Variants in PCDH9 observed in about 807,000 individuals in gnomAD.
PCDH9 encodes protocadherin 9, also known as protocadherin-9.
PCDH9 carries 24 observed loss-of-function variants against 70.6 expected under a neutral mutation model. The observed-to-expected ratio is 0.34, with a 90% CI of 0.25 to 0.48. The LOEUF (loss-of-function observed/expected upper bound fraction) is 0.48, where lower values mean the gene tolerates loss of function less well. Among genes scored for constraint, PCDH9 ranks in the 20% least tolerant of loss-of-function variants. PCDH9 has a pLI of 0.99. For missense variants in PCDH9, 1,281 were observed against 1,503.6 expected, an observed-to-expected ratio of 0.85 and a Z score of 2.45; for synonymous variants, 562 against 558.5, an observed-to-expected ratio of 1.01 and a Z score of -0.09.
intron 4 of PCDH9, among the ~76,000 whole-genome samples, chr13:66,599,355 G>C (rs1426753005): frequency 6.6e-6 from 1 of 151,710 alleles, no homozygotes; most frequent in Admixed American, 6.6e-5. Context: ...TCCTGATTGA[G>C]AAATATTTAA....
In PCDH9 at chr13:67,089,044, T is replaced by A. The variant is rs181886864; in HGVS notation, c.3036+136361A>T. Among the ~76,000 whole-genome samples, 555 of 152,102 alleles carry A rather than the reference T, an allele frequency of 3.6e-3. 5 individuals are homozygous for A. The highest frequency in any genetic ancestry group is 0.013 in the African/African-American group (533 of 41,546). On this transcript the variant is annotated intron_variant, in intron 2 of 4. Transcript: ENST00000377865. ...TGTATATGCATTGCCTTCATCAAAATTTTTTCACCCAGTGAAGTTTTAAGG... is the reference window on the plus strand; with the variant it reads ...TGTATATGCATTGCCTTCATCAAAAATTTTTCACCCAGTGAAGTTTTAAGG...
At chr13:66,997,687 A>C (rs1175132493) in intron 2 of PCDH9, among the ~76,000 whole-genome samples, 1 of 152,008 alleles carries the variant, frequency 6.6e-6, no homozygotes, top group Non-Finnish European at 1.5e-5. Flanking sequence ...GGCGCACATC[A>C]CCATGCCTAG....
chr13:67,041,830 CAAA>C (rs61557179), intron 2 of PCDH9, among the ~76,000 whole-genome samples: 29 of 109,818 alleles, frequency 2.6e-4, no homozygotes, highest in Non-Finnish European at 2.3e-4. Context: ...GACTCTGTCT[CAAA>C]AAAAAAAAAA....
intron 3 of PCDH9, among the ~76,000 whole-genome samples, chr13:66,637,238 G>T (rs2077650368): frequency 6.6e-6 from 1 of 152,052 alleles, no homozygotes; most frequent in African/African-American, 2.4e-5. Flanking sequence ...TATGGTTATG[G>T]CCTAATTTGC....
intron 2 of PCDH9, chr13:67,213,443 G>GT (rs1193106934): frequency 2.0e-5 from 3 of 151,894 alleles, no homozygotes; most frequent in African/African-American, 7.3e-5. Flanking sequence ...TTTAAAATGT[G>GT]TTTAACATTT....
At chr13:67,026,591 G>T (rs535479449) in intron 2 of PCDH9, among the ~76,000 whole-genome samples, 16 of 152,150 alleles carry the variant, frequency 1.1e-4, no homozygotes, top group African/African-American at 3.9e-4. Context: ...AGGAAATAAA[G>T]GGTATTCAAT....
At chr13:67,041,885 T>C (rs1244797808) in intron 2 of PCDH9, among the ~76,000 whole-genome samples, 1 of 151,944 alleles carries the variant, frequency 6.6e-6, no homozygotes, top group Non-Finnish European at 1.5e-5. Context: ...TATTCCCTCA[T>C]GTTTTCAGCC....
intron 3 of PCDH9, among the ~76,000 whole-genome samples, chr13:66,789,884 A>G (rs1261224399): frequency 1.3e-5 from 2 of 152,158 alleles, no homozygotes; most frequent in Non-Finnish European, 2.9e-5. Flanking sequence ...TGAGCAGTGT[A>G]CAAACTGTTC....
intron 3 of PCDH9, among the ~76,000 whole-genome samples, chr13:66,708,417 T>C (rs1219126836): frequency 4.5e-4 from 68 of 151,362 alleles, no homozygotes; most frequent in African/African-American, 1.5e-3. Context: ...TTTTTTTTTT[T>C]TTTCTTTCTT....
At chr13:66,909,551 C>T (rs1330374827) in intron 2 of PCDH9, among the ~76,000 whole-genome samples, 4 of 152,092 alleles carry the variant, frequency 2.6e-5, no homozygotes, top group African/African-American at 4.8e-5. Context: ...AGGCGGATCA[C>T]GAGGTCAGGA....
At chr13:66,338,984 G>A (rs912825626) in intron 4 of PCDH9, among the ~76,000 whole-genome samples, 1 of 152,044 alleles carries the variant, frequency 6.6e-6, no homozygotes, top group African/African-American at 2.4e-5. Context: ...AATTGAAACA[G>A]TGGCAGATTC....
intron 3 of PCDH9, among the ~76,000 whole-genome samples, chr13:66,743,707 A>G (rs1031750065): frequency 2.0e-5 from 3 of 152,208 alleles, no homozygotes; most frequent in African/African-American, 7.2e-5. Context: ...TGATCTAGCT[A>G]TTCTGCAAAG....
chr13:66,689,768 T>G (rs535524420), intron 3 of PCDH9, among the ~76,000 whole-genome samples: 1 of 152,298 alleles, frequency 6.6e-6, no homozygotes, highest in South Asian at 2.1e-4. Context: ...GCTCATTCTT[T>G]ATAATCTGAT....
intron 2 of PCDH9, among the ~76,000 whole-genome samples, chr13:67,007,523 T>C (rs2084376031): frequency 6.6e-6 from 1 of 152,222 alleles, no homozygotes; most frequent in Admixed American, 6.5e-5. Context: ...AAAATTCTTC[T>C]GCATCAGTTA....
At chr13:66,648,694 C>T (rs1261946373) in intron 3 of PCDH9, among the ~76,000 whole-genome samples, 1 of 151,870 alleles carries the variant, frequency 6.6e-6, no homozygotes, top group Non-Finnish European at 1.5e-5. Flanking sequence ...GTATCAAGAC[C>T]ATCCAAGAAA....
chr13:66,690,507 A>C (rs1383093379), intron 3 of PCDH9, among the ~76,000 whole-genome samples: 1 of 152,172 alleles, frequency 6.6e-6, no homozygotes, highest in African/African-American at 2.4e-5. Context: ...AGAAGCTTAC[A>C]GTGAAGGTGT....
intron 2 of PCDH9, among the ~76,000 whole-genome samples, chr13:67,025,575 C>T (rs1424188625): frequency 2.0e-5 from 3 of 152,040 alleles, no homozygotes; most frequent in Admixed American, 1.3e-4. Context: ...TAATGATTTA[C>T]ACAACTTGCA....
chr13:67,161,996 C>T lies in PCDH9; in HGVS notation c.3036+63409G>A, dbSNP rs1302757195. On this transcript the variant is annotated intron_variant, in intron 2 of 4. Coordinates refer to ENST00000377865, the MANE Select transcript of PCDH9 (RefSeq NM_203487.3). The stretch of plus-strand genomic sequence containing the variant: ...CCAAAACTTATTAGCTAGCCTAATC[C>T]ACAGTCTAAGTGTTTTGTTCAAGTC... Among the ~76,000 whole-genome samples the T allele has an allele frequency of 4.6e-5, 7 of 152,142 alleles. No individual in the cohort carries two copies. In the South Asian group the frequency reaches 1.4e-3, roughly 32 times the overall value.
At position 67,141,261 on chromosome 13, in the gene PCDH9, C is replaced by T. The variant is rs556024068; in HGVS notation, c.3036+84144G>A. 1.6e-3 allele frequency among the ~76,000 whole-genome samples: 239 copies of T among 152,042 alleles called. 2 individuals carry two copies. The highest frequency in any genetic ancestry group is 2.2e-3 in the Non-Finnish European group (147 of 67,998). ...AAAGTGAAATGAGTTGAAATGCAGA[C>T]GGCATGAAAGATTAGTAGTGGGAAG... On this transcript the variant is annotated intron_variant, in intron 2 of 4. Transcript: ENST00000377865.
Sources: allele counts gnomAD v4.1 joint callset (sites outside exome capture counted in the v4.1 genomes callset), GRCh38; gene constraint gnomAD v4.1.1; transcripts MANE v1.5; gene names NCBI Gene and HGNC (gene_info 2026-07-23, HGNC 2026-07-21).